VWA3A: variants seen among roughly 807,000 people sequenced by gnomAD.
VWA3A encodes von Willebrand factor A domain containing 3A, also known as von Willebrand factor A domain-containing protein 3A.
Under a neutral mutation model 160.4 loss-of-function variants are expected in VWA3A, and 134 were observed. That is an observed-to-expected ratio of 0.84 (90% confidence interval 0.73 to 0.96). The LOEUF is 0.96. VWA3A is among the 40% of genes least tolerant of loss of function. VWA3A has a pLI of 0.00. For missense variants in VWA3A, 1,310 were observed against 1,447.9 expected (o/e 0.90, Z 1.55); for synonymous variants, 476 against 543.4 (o/e 0.88, Z 1.72).
chr16:22,132,923 T>C lies in VWA3A; in HGVS notation c.1896T>C (p.Ala632=). Residue 632 remains alanine, a synonymous_variant, in exon 20 of 34, where the codon GCT becomes GCC. Transcript: ENST00000389398. ...AGCCTACACTCAGTGCCTACATGGC[T>C]GAGGCCTGTGGCGGCTGCGACCTCC... The part of the protein sequence containing the change: ...QDMPTLSAYM[A]EACGGCDLQL... The C allele has an allele frequency of 6.2e-7, 1 of 1,613,756 alleles. No homozygotes were observed. The highest frequency in any genetic ancestry group is 8.5e-7 in the Non-Finnish European group (1 of 1,179,854).
intron 12 of VWA3A, 86 bp downstream of exon 12, chr16:22,119,113 G>A: frequency 3.8e-6 from 5 of 1,312,234 alleles, no homozygotes; most frequent in South Asian, 1.4e-5. Flanking sequence ...TTCATAGGGG[G>A]CACAGCTGCC....
At chr16:22,115,564 G>C (rs1052760905) in intron 9 of VWA3A, 92 bp downstream of exon 9, 65 of 1,384,312 alleles carry the variant, frequency 4.7e-5, no homozygotes, top group Non-Finnish European at 5.7e-5. Flanking sequence ...TGTCACAGTG[G>C]CTCATGCCTG....
chr16:22,096,992 T>A, intron 2 of VWA3A, 47 bp downstream of exon 2: 1 of 1,232,242 alleles, frequency 8.1e-7, no homozygotes, highest in Non-Finnish European at 1.1e-6. Flanking sequence ...TTGAGGCAGA[T>A]TCTCGCACTG....
intron 11 of VWA3A, 77 bp from the exon 12 acceptor site, chr16:22,118,825 C>A: frequency 6.3e-7 from 1 of 1,582,678 alleles, no homozygotes; most frequent in Non-Finnish European, 8.6e-7. Flanking sequence ...ATTGGCCTGG[C>A]TGCTTGCCCC....
intron 27 of VWA3A, chr16:22,147,548 A>G: frequency 1.4e-6 from 1 of 702,806 alleles, no homozygotes; most frequent in Non-Finnish European, 2.6e-6. Context: ...CGTGCCACTC[A>G]GGGTCCTGTG....
At chr16:22,131,835 GCTT>G in intron 19 of VWA3A, 106 bp downstream of exon 19, 2 of 1,435,244 alleles carry the variant, frequency 1.4e-6, no homozygotes, top group Non-Finnish European at 1.9e-6. Context: ...CTAAACCAGT[GCTT>G]CTCAAACTTT....
rs2045664514 is a variant in VWA3A, at chr16:22,117,238, A to G, written c.990+62A>G. The G allele has an allele frequency of 2.0e-6, 3 of 1,527,310 alleles. No homozygotes were observed. The African/African-American group carries it at 4.1e-5, about 21-fold the overall frequency. The allele number at this position is 1,527,310 out of a possible 1,614,324, so 94.6% of individuals were successfully genotyped here. A position where few individuals can be genotyped will look rare whatever the true frequency, so the allele number is the denominator to read the frequency against. On this transcript the variant is annotated intron_variant, in intron 11 of 33. Transcript: ENST00000389398. ...TCTCCTTGTCTGCCTCCAAGGTTGT[A>G]CCCAGGAGATCTGGGCCAGGACCAT... is the stretch of plus-strand genomic sequence containing the variant.
chr16:22,137,754 T>C (rs1438993335), intron 21 of VWA3A, among the ~76,000 whole-genome samples: 1 of 152,196 alleles, frequency 6.6e-6, no homozygotes, highest in African/African-American at 2.4e-5. Flanking sequence ...TGTGTTCTCA[T>C]GCTGTTCCTG....
chr16:22,149,010 G>A (rs1006369155), intron 28 of VWA3A, among the ~76,000 whole-genome samples: 2 of 152,130 alleles, frequency 1.3e-5, no homozygotes, highest in African/African-American at 2.4e-5. Context: ...GACTCTCATC[G>A]TAGACTAGGC....
At chr16:22,130,645 C>T (rs964959143) in intron 17 of VWA3A, among the ~76,000 whole-genome samples, 2 of 152,030 alleles carry the variant, frequency 1.3e-5, no homozygotes, top group African/African-American at 4.8e-5. Flanking sequence ...ACTCCATTGC[C>T]CAGACTGGAG....
chr16:22,097,431 C>T (rs983981181), intron 2 of VWA3A, 141 bp from the exon 3 acceptor site: 2 of 1,087,698 alleles, frequency 1.8e-6, no homozygotes, highest in Middle Eastern at 2.2e-4. Context: ...TATCAGGACT[C>T]TGCAGGAATC....
Position 22,155,723 on chromosome 16 carries a change from G to A in VWA3A, c.3503+59G>A, listed in dbSNP as rs1598118943. 1.6e-5 allele frequency: 25 copies of A among 1,602,846 alleles called. No individual in the cohort carries two copies. The East Asian group carries it at 1.8e-4, about 11-fold the overall frequency. ...TGTGGCTACAGCCCATGCAGACCCCGGACCCCATCGAGAAGGGCCGCACCC... is the reference window on the plus strand; with the variant it reads ...TGTGGCTACAGCCCATGCAGACCCCAGACCCCATCGAGAAGGGCCGCACCC... On this transcript the variant is annotated intron_variant, in intron 32 of 33. Transcript: ENST00000389398.
chr16:22,155,827 C>G, intron 32 of VWA3A, 24 bp from the exon 33 acceptor site: 1 of 1,613,884 alleles, frequency 6.2e-7, no homozygotes. Flanking sequence ...GGGAGACCAT[C>G]TTTCTTCATC....
intron 8 of VWA3A, among the ~76,000 whole-genome samples, chr16:22,114,865 G>T (rs1027633447): frequency 6.6e-5 from 10 of 151,634 alleles, no homozygotes; most frequent in African/African-American, 2.4e-4. Context: ...AGTGGCAGTG[G>T]CACAATCTCA....
rs1598111305 is a variant in VWA3A at position 22,150,682 on chromosome 16, T to G, written c.3130-13T>G. ...TCTCCCCTGAGCCTGACAGCCTTCC[T>G]GCGTTCTTTCAGAAAGCTTTCAGTT... is the stretch of plus-strand genomic sequence containing the variant. On this transcript the variant is annotated splice_polypyrimidine_tract_variant and intron_variant, in intron 29 of 33. Coordinates refer to ENST00000389398, the MANE Select transcript of VWA3A (RefSeq NM_173615.5). 1.9e-6 allele frequency: 3 copies of G among 1,601,064 alleles called. No individual in the cohort carries two copies. In the East Asian group the frequency reaches 6.7e-5, roughly 36 times the overall value.
At chr16:22,150,633 T>C (rs1486304464) in intron 29 of VWA3A, 62 bp from the exon 30 acceptor site, 1 of 1,527,588 alleles carries the variant, frequency 6.5e-7, no homozygotes, top group Non-Finnish European at 8.8e-7. Flanking sequence ...TTTAGGCATT[T>C]GGTTCTTGTG....
Position 22,110,248 on chromosome 16 carries a change from G to A in VWA3A, c.583-640G>A, listed in dbSNP as rs892110051. Among the ~76,000 whole-genome samples the A allele has an allele frequency of 3.3e-5, 5 of 152,328 alleles. 1 individual carries two copies. In the South Asian group the frequency reaches 1.0e-3, roughly 32 times the overall value. The stretch of plus-strand genomic sequence containing the variant: ...AGTGCTTAGTGAGAAGTCTGGCCTA[G>A]AGAAAAAGCCTCTGCAGCGTGATGT... On this transcript the variant is annotated intron_variant, in intron 7 of 33. Transcript: ENST00000389398.
intron 1 of VWA3A, among the ~76,000 whole-genome samples, chr16:22,094,620 C>T (rs1451773063): frequency 6.6e-6 from 1 of 151,812 alleles, no homozygotes; most frequent in Non-Finnish European, 1.5e-5. Context: ...CTCATGGAAC[C>T]CAAGAACAGA....
intron 22 of VWA3A, among the ~76,000 whole-genome samples, chr16:22,138,873 C>T (rs2046092881): frequency 1.3e-5 from 2 of 152,100 alleles, no homozygotes; most frequent in South Asian, 4.1e-4. Context: ...AAGGGCTCTT[C>T]CCGCTGCCAC....
Sources: gnomAD v4.1 joint callset for allele counts (sites outside exome capture counted in the v4.1 genomes callset) on GRCh38, gnomAD v4.1.1 for gene constraint, MANE v1.5 for transcripts, NCBI Gene and HGNC (gene_info 2026-07-23, HGNC 2026-07-21) for gene names.